The following P3H2 variants were observed in gnomAD, a reference collection of about 807,000 sequenced individuals.
P3H2 encodes prolyl 3-hydroxylase 2, also known as leprecan-like 1.
A neutral mutation model predicts 87.0 loss-of-function variants in P3H2; 80 were observed. That is an observed-to-expected ratio of 0.92 (90% CI 0.77 to 1.11). The LOEUF (loss-of-function observed/expected upper bound fraction) is 1.11. P3H2 is among the 50% of genes least tolerant of loss of function. The pLI is 0.00. For missense variants in P3H2, 1,001 were observed against 923.9 expected, an observed-to-expected ratio of 1.08 and a Z score of -1.08; for synonymous variants, 367 against 359.3, an observed-to-expected ratio of 1.02 and a Z score of -0.24.
rs1172763214 is a variant in P3H2, at chr3:189,963,957, C to T, written c.2034+1G>A. The T allele has an allele frequency of 2.5e-6, 4 of 1,614,038 alleles. No individual in the cohort carries two copies. Among genetic ancestry groups the T allele is most frequent in the Non-Finnish European group, 3.4e-6 (4 of 1,180,036 alleles). On this transcript the variant is annotated splice_donor_variant, in intron 14 of 14. Coordinates refer to ENST00000319332, the MANE Select transcript of P3H2 (RefSeq NM_018192.4). LOFTEE classifies it high-confidence loss of function. ...GCTTTCTGGGCGGGTGAGAAACTCA[C>T]CAATTCTCTATAAAGTGGGTCCAAG...
At chr3:190,046,126 A>T (rs1725796492) in intron 1 of P3H2, among the ~76,000 whole-genome samples, 2 of 145,120 alleles carry the variant, frequency 1.4e-5, no homozygotes, top group South Asian at 4.3e-4. Context: ...CCATCTCAAA[A>T]AAAAAAAAAA....
chr3:190,113,550 G>A (rs1164654455), intron 1 of P3H2, among the ~76,000 whole-genome samples: 1 of 152,138 alleles, frequency 6.6e-6, no homozygotes, highest in Non-Finnish European at 1.5e-5. Context: ...CAATACAAAA[G>A]AATAGTCATT....
Position 189,987,435 on chromosome 3 carries a change from T to C in P3H2, c.1098+92A>G, listed in dbSNP as rs7631286. 169 of 1,429,746 alleles carry C rather than the reference T, an allele frequency of 1.2e-4. 1 individual carries two copies. The African/African-American group carries it at 2.1e-3, about 17-fold the overall frequency. 88.6% of individuals were successfully genotyped at this position (1,429,746 alleles called of 1,614,324 possible). On this transcript the variant is annotated intron_variant, in intron 5 of 14. Coordinates refer to ENST00000319332, the MANE Select transcript of P3H2 (RefSeq NM_018192.4). ...CGGAGGTTGCGGTGAGCCAAGATTG[T>C]GCCATTGCACTCCAGCCTGGGCAAC...
At chr3:190,094,977 T>C (rs971443870) in intron 1 of P3H2, among the ~76,000 whole-genome samples, 1 of 152,094 alleles carries the variant, frequency 6.6e-6, no homozygotes, top group Non-Finnish European at 1.5e-5. Flanking sequence ...ATAATCAATA[T>C]CACAAGTTTG....
intron 1 of P3H2, among the ~76,000 whole-genome samples, chr3:190,113,942 T>C (rs1202453502): frequency 2.0e-5 from 3 of 150,684 alleles, no homozygotes; most frequent in African/African-American, 2.4e-5. Flanking sequence ...TAGCCGGGCG[T>C]GGAGGCGGGC....
chr3:190,121,461 C>G (rs1157747724), upstream of P3H2: 2 of 152,134 alleles, frequency 1.3e-5, no homozygotes, highest in Non-Finnish European at 2.9e-5. Context: ...TGAGAAGTGG[C>G]AAAGGACGGA....
At chr3:190,003,487 C>T (rs568443200) in intron 1 of P3H2, among the ~76,000 whole-genome samples, 2 of 127,176 alleles carry the variant, frequency 1.6e-5, no homozygotes, top group South Asian at 2.5e-4. Context: ...ATGAAATGCC[C>T]TTGATGTTAA....
At chr3:190,034,777 T>C (rs1725364447) in intron 1 of P3H2, among the ~76,000 whole-genome samples, 1 of 152,190 alleles carries the variant, frequency 6.6e-6, no homozygotes, top group South Asian at 2.1e-4. Context: ...CTGCTGTATG[T>C]TTATTTAAAT....
At chr3:190,111,590 T>C (rs539010525) in intron 1 of P3H2, among the ~76,000 whole-genome samples, 1 of 152,294 alleles carries the variant, frequency 6.6e-6, no homozygotes, top group Non-Finnish European at 1.5e-5. Flanking sequence ...TATATAGAAA[T>C]GACACTGTAG....
At chr3:190,052,871 C>T (rs1451317826) in intron 1 of P3H2, among the ~76,000 whole-genome samples, 1 of 152,160 alleles carries the variant, frequency 6.6e-6, no homozygotes, top group African/African-American at 2.4e-5. Flanking sequence ...TCCACTCTCC[C>T]TAAAAGTTTC....
Position 190,007,986 on chromosome 3 carries a change from A to ATATATATATATATATATATATATATG in P3H2, c.481-12545_481-12544insCATATATATATATATATATATATATA, listed in dbSNP as rs1560359925. ...CACACATATATATATATATATATATAGTAAACTTCAGTAACGTTGATGAAT... is the reference window on the plus strand; with the variant it reads ...CACACATATATATATATATATATATATATATATATATATATATATATATATGGTAAACTTCAGTAACGTTGATGAAT... On this transcript the variant is annotated intron_variant, in intron 1 of 14. Transcript: ENST00000319332. Among the ~76,000 whole-genome samples the ATATATATATATATATATATATATATG allele has an allele frequency of 1.1e-3, 154 of 141,568 alleles. 6 individuals are homozygous for ATATATATATATATATATATATATATG. The highest frequency in any genetic ancestry group is 3.9e-3 in the African/African-American group (146 of 37,438). 92.9% of individuals were successfully genotyped at this position (141,568 alleles called of 152,430 possible). A position where few individuals can be genotyped will look rare whatever the true frequency, so the allele number is the denominator to read the frequency against.
Position 190,031,013 on chromosome 3 carries a change from T to A in P3H2, c.481-35571A>T, listed in dbSNP as rs575333511. ...TGCTTTTTCAAGTTATATATTTTTTTAAAAAGCTGGAATAAAATACATGTG... is the reference window on the plus strand; with the variant it reads ...TGCTTTTTCAAGTTATATATTTTTTAAAAAAGCTGGAATAAAATACATGTG... On this transcript the variant is annotated intron_variant, in intron 1 of 14. Coordinates refer to ENST00000319332, the MANE Select transcript of P3H2 (RefSeq NM_018192.4). Among the ~76,000 whole-genome samples the A allele has an allele frequency of 1.2e-3, 186 of 152,304 alleles. 1 individual carries two copies. Among genetic ancestry groups the A allele is most frequent in the African/African-American group, 4.2e-3 (176 of 41,568 alleles).
At chr3:189,971,582 T>C (rs1289932575) in intron 12 of P3H2, 2 of 371,306 alleles carry the variant, frequency 5.4e-6, no homozygotes, top group Admixed American at 7.6e-5. Context: ...CTGACTGAAA[T>C]ACATATACCA....
rs753239255 is a variant in P3H2 at position 189,958,017 on chromosome 3, C to T, written c.2035-13G>A. The T allele has an allele frequency of 1.3e-6, 2 of 1,585,448 alleles. No individual in the cohort carries two copies. The highest frequency in any genetic ancestry group is 4.5e-5 in the East Asian group (2 of 44,746). On this transcript the variant is annotated splice_polypyrimidine_tract_variant and intron_variant, in intron 14 of 14. Coordinates refer to ENST00000319332, the MANE Select transcript of P3H2 (RefSeq NM_018192.4). The stretch of plus-strand genomic sequence containing the variant: ...CCTGTATTCGCTCCTGCAAAAAAGA[C>T]AATTTACACATTTCTGTTACAAGCA...
chr3:190,056,571 G>C (rs1726161380), intron 1 of P3H2, among the ~76,000 whole-genome samples: 2 of 152,204 alleles, frequency 1.3e-5, no homozygotes, highest in African/African-American at 4.8e-5. Flanking sequence ...CAAATCTACA[G>C]GGAACGTAAT....
intron 6 of P3H2, among the ~76,000 whole-genome samples, chr3:189,985,010 G>C (rs34521306): frequency 2.0e-3 from 311 of 152,022 alleles, no homozygotes; most frequent in Non-Finnish European, 3.3e-3. Flanking sequence ...CATATTTTAA[G>C]GTCTCTTGGA....
intron 1 of P3H2, among the ~76,000 whole-genome samples, chr3:190,037,206 A>AT (rs572627748): frequency 1.3e-3 from 203 of 152,302 alleles, no homozygotes; most frequent in African/African-American, 4.7e-3. Context: ...AAAGGAGAGC[A>AT]TTAAGGTGTA....
chr3:190,110,981 A>C (rs1712048458), intron 1 of P3H2, among the ~76,000 whole-genome samples: 1 of 152,238 alleles, frequency 6.6e-6, no homozygotes, highest in South Asian at 2.1e-4. Flanking sequence ...GTAGATAATG[A>C]ATTCCAGCAG....
chr3:190,109,758 T>C (rs1052802922), intron 1 of P3H2, among the ~76,000 whole-genome samples: 1 of 151,860 alleles, frequency 6.6e-6, no homozygotes, highest in Non-Finnish European at 1.5e-5. Context: ...TTTTAATAAA[T>C]ATTATAATTC....
Sources: gnomAD v4.1 joint callset for allele counts (sites outside exome capture counted in the v4.1 genomes callset) on GRCh38, gnomAD v4.1.1 for gene constraint, MANE v1.5 for transcripts, NCBI Gene and HGNC (gene_info 2026-07-23, HGNC 2026-07-21) for gene names.